Variants in C1orf87 observed in about 807,000 individuals in gnomAD.
C1orf87 encodes chromosome 1 open reading frame 87, also known as uncharacterized protein C1orf87.
Under a neutral mutation model 60.5 loss-of-function variants are expected in C1orf87, and 58 were observed. That is an observed-to-expected ratio of 0.96 (90% CI 0.78 to 1.19). The LOEUF is 1.19. C1orf87 is among the 50% of genes most tolerant of loss of function. The pLI, the probability that C1orf87 is intolerant of heterozygous loss-of-function variation, is 0.00. For missense variants in C1orf87, 673 were observed against 638.6 expected (o/e 1.05, Z -0.58); for synonymous variants, 236 against 227.4 (o/e 1.04, Z -0.34).
At chr1:60,047,082 C>A (rs962248933) in intron 3 of C1orf87, among the ~76,000 whole-genome samples, 19 of 152,212 alleles carry the variant, frequency 1.2e-4, no homozygotes, top group African/African-American at 4.3e-4. Flanking sequence ...TAGGGCTTTG[C>A]AAAATGGTGA....
intron 2 of C1orf87, among the ~76,000 whole-genome samples, chr1:60,072,168 T>C (rs770197326): frequency 5.9e-5 from 9 of 152,178 alleles, no homozygotes; most frequent in Non-Finnish European, 8.8e-5. Flanking sequence ...ACTCCTGTAA[T>C]TCACAACAAA....
intron 2 of C1orf87, among the ~76,000 whole-genome samples, chr1:60,066,371 T>C (rs1262218208): frequency 6.6e-6 from 1 of 152,210 alleles, no homozygotes; most frequent in Non-Finnish European, 1.5e-5. Context: ...AAATCCTTTG[T>C]TGTCAATTCA....
intron 9 of C1orf87, among the ~76,000 whole-genome samples, chr1:60,006,149 A>G (rs1645043819): frequency 6.6e-6 from 1 of 151,736 alleles, no homozygotes; most frequent in Admixed American, 6.6e-5. Context: ...CATAGCTACC[A>G]TAGCTATTTT....
intron 9 of C1orf87, among the ~76,000 whole-genome samples, chr1:60,003,811 T>A (rs570940969): frequency 1.1e-4 from 17 of 152,040 alleles, no homozygotes; most frequent in Non-Finnish European, 2.2e-4. Context: ...CACTAGACAT[T>A]TAGTGCCATT....
intron 3 of C1orf87, among the ~76,000 whole-genome samples, chr1:60,047,812 A>G (rs887528941): frequency 1.3e-5 from 2 of 151,980 alleles, no homozygotes; most frequent in Non-Finnish European, 2.9e-5. Context: ...GAATAACAGT[A>G]TCAACATAAT....
At chr1:60,066,213 C>G (rs1414770970) in intron 2 of C1orf87, among the ~76,000 whole-genome samples, 1 of 152,110 alleles carries the variant, frequency 6.6e-6, no homozygotes, top group African/African-American at 2.4e-5. Context: ...TTTGCTGCAT[C>G]TATTGACTCA....
At chr1:60,064,337 T>A (rs1224593086) in intron 2 of C1orf87, among the ~76,000 whole-genome samples, 1 of 140,340 alleles carries the variant, frequency 7.1e-6, no homozygotes, top group Non-Finnish European at 1.5e-5. Context: ...ATATATACTA[T>A]ATATGTAATA....
chr1:60,007,167 C>T (rs1338463133), intron 9 of C1orf87, among the ~76,000 whole-genome samples: 4 of 152,066 alleles, frequency 2.6e-5, no homozygotes, highest in Non-Finnish European at 5.9e-5. Flanking sequence ...CCACTTAGGC[C>T]TCTCAAAGTG....
At chr1:60,065,294 A>G (rs1369631866) in intron 2 of C1orf87, among the ~76,000 whole-genome samples, 2 of 151,512 alleles carry the variant, frequency 1.3e-5, no homozygotes, top group Non-Finnish European at 2.9e-5. Flanking sequence ...GGAGGGAAGA[A>G]GATACTATTA....
chr1:60,021,430 C>T (rs1165178504), intron 8 of C1orf87, among the ~76,000 whole-genome samples: 9 of 152,320 alleles, frequency 5.9e-5, no homozygotes, highest in Admixed American at 2.6e-4. Flanking sequence ...GAGAGTACAG[C>T]ACAAGGAACC....
At chr1:60,001,241 AGC>A in intron 9 of C1orf87, 85 bp from the exon 10 acceptor site, 1 of 128,250 alleles carries the variant, frequency 7.8e-6, no homozygotes, top group Non-Finnish European at 1.2e-5. Context: ...CAACAACAAC[AGC>A]AACAACAAAA....
intron 11 of C1orf87, among the ~76,000 whole-genome samples, chr1:59,991,524 C>T (rs192987080): frequency 3.3e-5 from 5 of 151,982 alleles, no homozygotes; most frequent in East Asian, 1.9e-4. Flanking sequence ...TTTTTGTTGT[C>T]GTGTCATTAT....
At chr1:59,992,112 T>C (rs112140872) in intron 11 of C1orf87, among the ~76,000 whole-genome samples, 44 of 152,192 alleles carry the variant, frequency 2.9e-4, no homozygotes, top group African/African-American at 1.0e-3. Context: ...CAATAACCCA[T>C]TTCACAGAGG....
In C1orf87 at chr1:59,997,639, C is replaced by T. The variant is rs1269299867; in HGVS notation, c.1450G>A (p.Ala484Thr). ...WIDRFRKLEN[A>T]LYLCDLSNTG... Reference sequence around the variant, plus strand: ...TTACTCAGATCACACAGGTAGAGGGCATTTTCCAGCTTCCTGAACCTGTCT... The same window carrying T: ...TTACTCAGATCACACAGGTAGAGGGTATTTTCCAGCTTCCTGAACCTGTCT... The change falls in exon 11 of 12, where the codon GCC becomes ACC. Residue 484 changes from alanine to threonine, a missense_variant. Ala to Thr is a moderately conservative substitution (Grantham distance 58, BLOSUM62 0). Coordinates refer to ENST00000371201, the MANE Select transcript of C1orf87 (RefSeq NM_152377.3). The T allele has an allele frequency of 1.2e-6, 2 of 1,613,920 alleles. No homozygotes were observed. Among genetic ancestry groups the T allele is most frequent in the South Asian group, 2.2e-5 (2 of 91,072 alleles).
chr1:60,004,891 C>A (rs1218079123), intron 9 of C1orf87, among the ~76,000 whole-genome samples: 1 of 139,748 alleles, frequency 7.2e-6, no homozygotes, highest in Non-Finnish European at 1.6e-5. Flanking sequence ...AAATCAGTAG[C>A]CTTTAGCACT....
chr1:60,016,707 G>A (rs1645127158), intron 8 of C1orf87, among the ~76,000 whole-genome samples: 1 of 152,192 alleles, frequency 6.6e-6, no homozygotes, highest in African/African-American at 2.4e-5. Context: ...TGGTAGAAGG[G>A]CTACACTGGT....
At chr1:60,071,623 C>G (rs1224989913) in intron 2 of C1orf87, among the ~76,000 whole-genome samples, 1 of 152,182 alleles carries the variant, frequency 6.6e-6, no homozygotes, top group East Asian at 1.9e-4. Context: ...AAAGCCTGTA[C>G]TTCATAACAG....
chr1:60,014,495 G>T (rs1176402418), intron 8 of C1orf87, among the ~76,000 whole-genome samples: 1 of 151,712 alleles, frequency 6.6e-6, no homozygotes, highest in Non-Finnish European at 1.5e-5. Context: ...TTTAGTTGGG[G>T]GTTGTTAGGC....
At chr1:60,032,968 G>T (rs1490829241) in intron 7 of C1orf87, among the ~76,000 whole-genome samples, 1 of 152,122 alleles carries the variant, frequency 6.6e-6, no homozygotes, top group African/African-American at 2.4e-5. Flanking sequence ...TTATGATGGG[G>T]TTTATTTGGC....
Sources: gnomAD v4.1 joint callset for allele counts (sites outside exome capture counted in the v4.1 genomes callset) on GRCh38, gnomAD v4.1.1 for gene constraint, MANE v1.5 for transcripts, NCBI Gene and HGNC (gene_info 2026-07-23, HGNC 2026-07-21) for gene names.